The following TOP3A variants were observed in gnomAD, a reference collection of about 807,000 sequenced individuals.
TOP3A encodes the protein DNA topoisomerase 3-alpha.
Under a neutral mutation model 111.3 loss-of-function variants are expected in TOP3A, and 64 were observed. The observed-to-expected ratio is 0.57, with a 90% CI of 0.47 to 0.71. The LOEUF is 0.71. Ranked by LOEUF, TOP3A falls within the 30% of genes least tolerant of loss-of-function variation. The pLI, the probability that TOP3A is intolerant of heterozygous loss-of-function variation, is 0.00. For missense variants in TOP3A, 1,104 were observed against 1,285.0 expected, an observed-to-expected ratio of 0.86 and a Z score of 2.15; for synonymous variants, 484 against 485.1, an observed-to-expected ratio of 1.00 and a Z score of 0.03.
chr17:18,285,190 A>G lies in TOP3A; in HGVS notation c.1829T>C (p.Val610Ala). 1 of 1,614,216 alleles carries G rather than the reference A, an allele frequency of 6.2e-7. No individual in the cohort carries two copies. Among genetic ancestry groups the G allele is most frequent in the Non-Finnish European group, 8.5e-7 (1 of 1,180,034 alleles). Residue 610 changes from valine (V) to alanine (A), a missense_variant, in exon 15 of 19, where the codon GTG becomes GCG. Physicochemically the swap from Val to Ala is moderately conservative, Grantham distance 64. Coordinates refer to ENST00000321105, the MANE Select transcript of TOP3A (RefSeq NM_004618.5). The stretch of plus-strand genomic sequence containing the variant: ...AATGAAAACCTGCTTGTATTTCTGC[A>G]CTTGCTGCCTTAGAACCACAAATTT... ...KDKFVVLRQQ[V>A]QKYKQVFIEA...
chr17:18,306,634 G>A (rs1430202943), intron 4 of TOP3A: 2 of 346,184 alleles, frequency 5.8e-6, no homozygotes, highest in Non-Finnish European at 1.1e-5. Context: ...ACAAATTGCT[G>A]GGATTACAGG....
At chr17:18,280,360 G>T in intron 17 of TOP3A, 176 bp downstream of exon 17, 1 of 623,418 alleles carries the variant, frequency 1.6e-6, no homozygotes, top group Non-Finnish European at 2.6e-6. Context: ...AGCAGTGACA[G>T]CATGGAACAC....
In TOP3A at chr17:18,301,810, C is replaced by G. The variant is rs566557112; in HGVS notation, c.915+75G>C. On this transcript the variant is annotated intron_variant, in intron 8 of 18. Transcript: ENST00000321105. Reference sequence around the variant, plus strand: ...GCTAAAGTCCAATGGGAGAATGAGACAGATCACCTCTGCCGACAGTGGGAG... The same window carrying G: ...GCTAAAGTCCAATGGGAGAATGAGAGAGATCACCTCTGCCGACAGTGGGAG... 1.7e-4 allele frequency: 215 copies of G among 1,266,318 alleles called. 3 individuals carry two copies. The highest frequency in any genetic ancestry group is 3.4e-4 in the South Asian group (27 of 79,206). The allele number at this position is 1,266,318 out of a possible 1,614,324, so 78.4% of individuals were successfully genotyped here.
At chr17:18,286,239 C>T (rs1431482656) in intron 13 of TOP3A, among the ~76,000 whole-genome samples, 2 of 150,366 alleles carry the variant, frequency 1.3e-5, no homozygotes, top group Non-Finnish European at 3.0e-5. Flanking sequence ...CGTGGTGGCT[C>T]ACGCCTGTAA....
chr17:18,276,352 C>T (rs1044707294), intron 18 of TOP3A, among the ~76,000 whole-genome samples: 3 of 152,194 alleles, frequency 2.0e-5, no homozygotes, highest in Non-Finnish European at 2.9e-5. Context: ...ATACCATGTC[C>T]TTCCAAGTGG....
chr17:18,293,614 A>G (rs1486515050), intron 10 of TOP3A, among the ~76,000 whole-genome samples: 2 of 137,906 alleles, frequency 1.5e-5, no homozygotes, highest in Non-Finnish European at 3.1e-5. Flanking sequence ...TTTCCCCCCA[A>G]GAGACGGAGT....
intron 11 of TOP3A, among the ~76,000 whole-genome samples, chr17:18,291,556 T>C (rs1980477172): frequency 6.6e-6 from 1 of 152,316 alleles, no homozygotes; most frequent in South Asian, 2.1e-4. Context: ...CACAAAAATA[T>C]TTATGTCTAC....
rs1362944610 is a variant in TOP3A, at chr17:18,273,735, T to A, written c.*1067A>T. Among the ~76,000 whole-genome samples the A allele has an allele frequency of 2.6e-5, 4 of 152,118 alleles. No homozygotes were observed. The highest frequency in any genetic ancestry group is 9.7e-5 in the African/African-American group (4 of 41,414). On this transcript the variant is annotated 3_prime_UTR_variant, in exon 19 of 19. Coordinates refer to ENST00000321105, the MANE Select transcript of TOP3A (RefSeq NM_004618.5). Reference sequence around the variant, plus strand: ...GCCTCAAACTCTTGGGTTCAAAGGATCCTCCCACTTCAGCCTCCTGAGCAG... The same window carrying A: ...GCCTCAAACTCTTGGGTTCAAAGGAACCTCCCACTTCAGCCTCCTGAGCAG...
chr17:18,296,438 G>A (rs577445868), intron 9 of TOP3A, among the ~76,000 whole-genome samples: 2 of 152,160 alleles, frequency 1.3e-5, no homozygotes, highest in East Asian at 3.9e-4. Flanking sequence ...AAATTAGCTG[G>A]GTGTGGTGGC....
rs150940456 is a variant in TOP3A, at chr17:18,277,941, G to A, written c.2561C>T (p.Pro854Leu). The change falls in exon 18 of 19, where the codon CCG (proline) becomes CTG (leucine). Residue 854 changes from proline (P) to leucine (L), a missense_variant. Transcript: ENST00000321105. ...NFFLWADSPN[P>L]GAGGPPALAY... ...CAAGGCAGGAGGCCCTCCTGCTCCC[G>A]GATTGGGGCTGTCTGCCCACAGGAA... The A allele has an allele frequency of 1.7e-5, 27 of 1,613,820 alleles. No homozygotes were observed. The highest frequency in any genetic ancestry group is 1.6e-4 in the Middle Eastern group (1 of 6,082).
chr17:18,309,009 T>G, intron 1 of TOP3A, 68 bp from the exon 2 acceptor site: 1 of 866,430 alleles, frequency 1.2e-6, no homozygotes. Flanking sequence ...GTATAATTCT[T>G]TCTGATCCTG....
At chr17:18,310,901 A>C (rs1182780995) in intron 1 of TOP3A, among the ~76,000 whole-genome samples, 1 of 152,114 alleles carries the variant, frequency 6.6e-6, no homozygotes, top group Non-Finnish European at 1.5e-5. Flanking sequence ...ACTGTTTCTG[A>C]ATATGCCAAG....
Position 18,290,790 on chromosome 17 carries a change from A to T in TOP3A, c.1467+52T>A. 4 of 1,598,948 alleles carry T rather than the reference A, an allele frequency of 2.5e-6. No homozygotes were observed. The Middle Eastern group carries it at 5.0e-4, about 201-fold the overall frequency. ...ATGATCCTGCTCCACTAGAGAACTC[A>T]GGGCTCACAACACAACTGTCCTCCC... On this transcript the variant is annotated intron_variant, in intron 12 of 18. Coordinates refer to ENST00000321105, the MANE Select transcript of TOP3A (RefSeq NM_004618.5).
At chr17:18,275,891 GT>G (rs1979337922) in intron 18 of TOP3A, among the ~76,000 whole-genome samples, 1 of 151,416 alleles carries the variant, frequency 6.6e-6, no homozygotes, top group Non-Finnish European at 1.5e-5. Context: ...TCCTGACCTC[GT>G]GATCCACCCG....
At chr17:18,307,104 G>C (rs1302561386) in intron 3 of TOP3A, 138 bp from the exon 4 acceptor site, 2 of 616,864 alleles carry the variant, frequency 3.2e-6, no homozygotes, top group South Asian at 2.0e-5. Context: ...GTAAGGCTAT[G>C]ACCCTCTGCA....
intron 10 of TOP3A, among the ~76,000 whole-genome samples, chr17:18,294,043 C>T (rs2142969568): frequency 6.6e-6 from 1 of 152,316 alleles, no homozygotes; most frequent in South Asian, 2.1e-4. Flanking sequence ...GCAGGCTGGA[C>T]AGCACAGTTA....
At chr17:18,312,113 CTGA>C (rs1481357159) in intron 1 of TOP3A, 3 of 152,332 alleles carry the variant, frequency 2.0e-5, no homozygotes, top group Non-Finnish European at 2.9e-5. Context: ...CTATAAGTGG[CTGA>C]TGTGCCACCT....
chr17:18,279,198 A>G (rs1190285864), intron 17 of TOP3A, among the ~76,000 whole-genome samples: 1 of 152,214 alleles, frequency 6.6e-6, no homozygotes, highest in Non-Finnish European at 1.5e-5. Flanking sequence ...TAGGTATTTT[A>G]TTACCCTAAA....
At chr17:18,282,364 C>T (rs1383244473) in intron 16 of TOP3A, among the ~76,000 whole-genome samples, 1 of 152,154 alleles carries the variant, frequency 6.6e-6, no homozygotes, top group African/African-American at 2.4e-5. Flanking sequence ...CACTTATATG[C>T]GGCATAAGTG....
Sources: gnomAD v4.1 joint callset for allele counts (sites outside exome capture counted in the v4.1 genomes callset) on GRCh38, gnomAD v4.1.1 for gene constraint, MANE v1.5 for transcripts, NCBI Gene and HGNC (gene_info 2026-07-23, HGNC 2026-07-21) for gene names.